Variants in ZNF462 observed in about 807,000 individuals in gnomAD.
ZNF462 encodes the protein zinc finger PBX1-interacting protein.
In ZNF462, 10 loss-of-function variants were observed where a neutral mutation model predicts 201.9. The observed-to-expected ratio is 0.05, with a 90% CI of 0.03 to 0.08. ZNF462 has a LOEUF of 0.08. Among genes scored for constraint, ZNF462 ranks in the 10% least tolerant of loss-of-function variants. ZNF462 has a pLI of 1.00. For synonymous variants in ZNF462, 1,227 were observed against 1,193.3 expected, an observed-to-expected ratio of 1.03 and a Z score of -0.58; for missense variants, 2,523 against 3,168.3, an observed-to-expected ratio of 0.80 and a Z score of 4.89.
At chr9:106,942,577 A>G (rs1395212023) in intron 7 of ZNF462, among the ~76,000 whole-genome samples, 1 of 152,208 alleles carries the variant, frequency 6.6e-6, no homozygotes, top group Admixed American at 6.5e-5. Flanking sequence ...AGGAAACAAT[A>G]AGGTTGTCAA....
At chr9:106,990,017 T>C (rs905882013) in intron 10 of ZNF462, among the ~76,000 whole-genome samples, 5 of 152,096 alleles carry the variant, frequency 3.3e-5, no homozygotes, top group African/African-American at 9.7e-5. Flanking sequence ...TTTTGTATTG[T>C]TTTTTGTTTG....
chr9:106,864,153 G>T (rs557624710), intron 1 of ZNF462, among the ~76,000 whole-genome samples: 2 of 147,364 alleles, frequency 1.4e-5, no homozygotes, highest in African/African-American at 5.0e-5. Context: ...TGTGTCGGGG[G>T]GTGGCTGCTG....
At chr9:106,941,275 G>A (rs915149775) in intron 7 of ZNF462, among the ~76,000 whole-genome samples, 3 of 152,084 alleles carry the variant, frequency 2.0e-5, no homozygotes, top group African/African-American at 4.8e-5. Context: ...CTGGCCCTCC[G>A]ACAACTTAAA....
rs1023319520 is a variant in ZNF462, at chr9:106,905,195, T to C, written c.-30-18159T>C. Among the ~76,000 whole-genome samples, 1 of 152,188 alleles carries C rather than the reference T, an allele frequency of 6.6e-6. No homozygotes were observed. The highest frequency in any genetic ancestry group is 2.4e-5 in the African/African-American group (1 of 41,438). On this transcript the variant is annotated intron_variant, in intron 1 of 12. Transcript: ENST00000277225. The surrounding 1 kb of genome is among the most constrained non-coding windows in gnomAD (Gnocchi z 5.9). ...CAAACTTCAGTGATTGTTATCTCTC[T>C]TCTGGGTCTAGCTACCCAGCGAGTC... is the stretch of plus-strand genomic sequence containing the variant.
At chr9:106,998,858 C>G (rs1489313368) in intron 10 of ZNF462, among the ~76,000 whole-genome samples, 1 of 152,092 alleles carries the variant, frequency 6.6e-6, no homozygotes, top group East Asian at 1.9e-4. Context: ...ATCGACTCAT[C>G]TCAGCCTCCC....
chr9:106,992,793 T>C (rs891112478), intron 10 of ZNF462, among the ~76,000 whole-genome samples: 2 of 152,064 alleles, frequency 1.3e-5, no homozygotes, highest in Non-Finnish European at 2.9e-5. Context: ...TTAAACATCA[T>C]TGAGTTGTTT....
chr9:106,922,933 C>A (rs551786958), intron 1 of ZNF462, among the ~76,000 whole-genome samples: 1 of 152,192 alleles, frequency 6.6e-6, no homozygotes, highest in African/African-American at 2.4e-5. Context: ...GAAATTTTCC[C>A]TTTCTTCTGT....
rs1419635516 is a variant in ZNF462, at chr9:106,966,977, T to C, written c.6428-5028T>C. The stretch of plus-strand genomic sequence containing the variant: ...AGAAAATTGAGAATTGATCCTCTGG[T>C]ATAGCTTCCTCTTTGTATCACTTAG... On this transcript the variant is annotated intron_variant, in intron 7 of 12. Transcript: ENST00000277225. This position sits in a 1 kb window ranked among gnomAD's most constrained non-coding sequence, Gnocchi z 4.4. 6.6e-6 allele frequency among the ~76,000 whole-genome samples: 1 copy of C among 152,104 alleles called. No homozygotes were observed. Among genetic ancestry groups the C allele is most frequent in the Non-Finnish European group, 1.5e-5 (1 of 67,990 alleles).
intron 7 of ZNF462, among the ~76,000 whole-genome samples, chr9:106,946,627 G>A (rs1023825549): frequency 3.9e-5 from 6 of 152,076 alleles, no homozygotes; most frequent in Admixed American, 3.9e-4. Context: ...TGCTAGAGTC[G>A]AGGGTATGTC....
In ZNF462 at chr9:106,963,415, C is replaced by T. The variant is rs1831928553; in HGVS notation, c.6428-8590C>T. ...GGAAACATTTTCTTAAGTACCTTTC[C>T]AGGCACTTCTAAGCAATTGAGATAC... On this transcript the variant is annotated intron_variant, in intron 7 of 12. Transcript: ENST00000277225. The surrounding 1 kb of genome is among the most constrained non-coding windows in gnomAD (Gnocchi z 4.7). Among the ~76,000 whole-genome samples, 1 of 151,994 alleles carries T rather than the reference C, an allele frequency of 6.6e-6. No individual in the cohort carries two copies. The highest frequency in any genetic ancestry group is 1.5e-5 in the Non-Finnish European group (1 of 67,970).
intron 7 of ZNF462, among the ~76,000 whole-genome samples, chr9:106,951,866 T>C (rs77432130): frequency 1.4e-4 from 21 of 151,920 alleles, no homozygotes; most frequent in Admixed American, 6.6e-4. Flanking sequence ...TTTTTTTTTT[T>C]CCAGTGGAAT....
In ZNF462 at chr9:106,948,749, C is replaced by T. The variant is rs199898305; in HGVS notation, c.6427+9642C>T. On this transcript the variant is annotated intron_variant, in intron 7 of 12. Coordinates refer to ENST00000277225, the MANE Select transcript of ZNF462 (RefSeq NM_021224.6). ...GCTCTCACTATATAGGTTCCATCACCACATGACTTACTATAGCTTTGAAAT... is the reference window on the plus strand; with the variant it reads ...GCTCTCACTATATAGGTTCCATCACTACATGACTTACTATAGCTTTGAAAT... 4.6e-5 allele frequency among the ~76,000 whole-genome samples: 7 copies of T among 151,996 alleles called. No homozygotes were observed. The East Asian group carries it at 1.4e-3, about 29-fold the overall frequency.
chr9:106,922,574 G>A (rs899525037), intron 1 of ZNF462, among the ~76,000 whole-genome samples: 3 of 152,152 alleles, frequency 2.0e-5, no homozygotes, highest in African/African-American at 4.8e-5. Context: ...GCAAATTGAG[G>A]TGCCAAGGTG....
In ZNF462 at chr9:107,006,770, AC is replaced by A. The variant is rs1829576387; in HGVS notation, c.7190-2774del. ...TGACCAAGACAGTCAGCAGGAAATG[AC>A]AGCCAAGGTACACTACCCTTTCAAA... On this transcript the variant is annotated intron_variant, in intron 11 of 12. Transcript: ENST00000277225. This position sits in a 1 kb window ranked among gnomAD's most constrained non-coding sequence, Gnocchi z 4.3. Among the ~76,000 whole-genome samples the A allele has an allele frequency of 6.6e-6, 1 of 152,160 alleles. No individual in the cohort carries two copies. The highest frequency in any genetic ancestry group is 2.1e-4 in the South Asian group (1 of 4,828).
At chr9:106,884,640 A>G (rs886346044) in intron 1 of ZNF462, among the ~76,000 whole-genome samples, 7 of 152,198 alleles carry the variant, frequency 4.6e-5, no homozygotes, top group African/African-American at 1.4e-4. Context: ...TCATATTAAT[A>G]TATTTGGCAG....
intron 1 of ZNF462, among the ~76,000 whole-genome samples, chr9:106,864,462 G>A (rs1186583354): frequency 6.6e-6 from 1 of 152,022 alleles, no homozygotes; most frequent in African/African-American, 2.4e-5. Flanking sequence ...GCCCCCCATT[G>A]GAGCAGCCCC....
chr9:106,949,309 T>C lies in ZNF462; in HGVS notation c.6427+10202T>C, dbSNP rs538587496. Among the ~76,000 whole-genome samples, 8 of 152,284 alleles carry C rather than the reference T, an allele frequency of 5.3e-5. No individual in the cohort carries two copies. In the East Asian group the frequency reaches 1.5e-3, roughly 29 times the overall value. On this transcript the variant is annotated intron_variant, in intron 7 of 12. Transcript: ENST00000277225. The stretch of plus-strand genomic sequence containing the variant: ...CCCTAGCACTGGGTAGGCCATTCAA[T>C]AGATATTTCTTAAATTGTTTTGAAT...
At position 107,006,350 on chromosome 9, in the gene ZNF462, AAAAC is replaced by A. The variant is rs749733937; in HGVS notation, c.7189+2939_7189+2942del. The stretch of plus-strand genomic sequence containing the variant: ...TAAGAGCATGTTCAAAGTAAAAAAC[AAAAC>A]AAACAAACAAACAACAACAAAAAAT... On this transcript the variant is annotated intron_variant, in intron 11 of 12. Coordinates refer to ENST00000277225, the MANE Select transcript of ZNF462 (RefSeq NM_021224.6). This position sits in a 1 kb window ranked among gnomAD's most constrained non-coding sequence, Gnocchi z 4.3. Among the ~76,000 whole-genome samples the A allele has an allele frequency of 2.9e-4, 44 of 152,206 alleles. No homozygotes were observed. The highest frequency in any genetic ancestry group is 8.2e-4 in the African/African-American group (34 of 41,472).
Position 106,993,702 on chromosome 9 carries a change from A to G in ZNF462, c.7056+9293A>G, listed in dbSNP as rs188893021. On this transcript the variant is annotated intron_variant, in intron 10 of 12. Transcript: ENST00000277225. The surrounding 1 kb of genome is among the most constrained non-coding windows in gnomAD (Gnocchi z 4.0). ...CCCCAACACACATAGTGAATTATTTATCAGTAATGCCCTTTATTAGCAATA... is the reference window on the plus strand; with the variant it reads ...CCCCAACACACATAGTGAATTATTTGTCAGTAATGCCCTTTATTAGCAATA... Among the ~76,000 whole-genome samples the G allele has an allele frequency of 2.0e-5, 3 of 149,182 alleles. No individual in the cohort carries two copies. The highest frequency in any genetic ancestry group is 1.4e-4 in the Admixed American group (2 of 14,768).
Sources: allele counts gnomAD v4.1 joint callset (sites outside exome capture counted in the v4.1 genomes callset), GRCh38; gene constraint gnomAD v4.1.1; non-coding constraint Gnocchi (gnomAD v3.1); transcripts MANE v1.5; gene names NCBI Gene and HGNC (gene_info 2026-07-23, HGNC 2026-07-21).